C12orf43: variants seen among roughly 807,000 people sequenced by gnomAD.
The protein encoded by C12orf43 is chromosome 12 open reading frame 43.
A neutral mutation model predicts 20.6 loss-of-function variants in C12orf43; 15 were observed. The observed-to-expected ratio is 0.73, with a 90% CI of 0.49 to 1.12. The LOEUF (loss-of-function observed/expected upper bound fraction) is 1.12. C12orf43 is among the 50% of genes most tolerant of loss of function. C12orf43 has a pLI of 0.00. For synonymous variants in C12orf43, 144 were observed against 130.8 expected (o/e 1.10, Z -0.69); for missense variants, 334 against 344.4 (o/e 0.97, Z 0.24).
rs1878020146 is a variant in C12orf43, at chr12:121,006,340, T to C, written c.342A>G (p.Lys114=). 1.2e-6 allele frequency: 2 copies of C among 1,614,104 alleles called. No individual in the cohort carries two copies. The highest frequency in any genetic ancestry group is 1.3e-5 in the African/African-American group (1 of 75,056). ...ACTCACCATCATCCTCCAAAGCGAC[T>C]TTCTGTACCTTAGCTTTTGCTGGCT... ...AKEPAKAKVQ[K]VALEDDGFRL... is the part of the protein sequence containing the mutation. Residue 114 remains lysine (K), a synonymous_variant, in exon 4 of 6, where the codon AAA becomes AAG. Coordinates refer to ENST00000288757, the MANE Select transcript of C12orf43 (RefSeq NM_022895.3).
chr12:121,001,087 G>A lies in C12orf43; in HGVS notation c.*3066C>T, dbSNP rs752983850. On this transcript the variant is annotated 3_prime_UTR_variant, in exon 6 of 6. Coordinates refer to ENST00000288757, the MANE Select transcript of C12orf43 (RefSeq NM_022895.3). The stretch of plus-strand genomic sequence containing the variant: ...CAGTGTCCTCCAGCAGCCTGGTGCT[G>A]TACCAGAGCTCAGACTCCAGCAATG... 4.3e-6 allele frequency: 7 copies of A among 1,613,576 alleles called. No individual in the cohort carries two copies. The highest frequency in any genetic ancestry group is 5.9e-6 in the Non-Finnish European group (7 of 1,179,896).
chr12:121,015,395 C>A (rs1447308716), intron 1 of C12orf43, among the ~76,000 whole-genome samples: 2 of 152,222 alleles, frequency 1.3e-5, no homozygotes, highest in African/African-American at 4.8e-5. Flanking sequence ...CGGTTCTTAA[C>A]CTTGCTTTGC....
At chr12:121,013,378 C>T (rs1470856525) in intron 1 of C12orf43, among the ~76,000 whole-genome samples, 1 of 152,164 alleles carries the variant, frequency 6.6e-6, no homozygotes, top group African/African-American at 2.4e-5. Flanking sequence ...TGCCACCAAG[C>T]TGTGTGATGC....
rs3751151 is a variant in C12orf43 at position 121,004,396 on chromosome 12, T to A, written c.546A>T (p.Thr182=). The A allele has an allele frequency of 0.3, 491,448 of 1,613,802 alleles. 77,533 individuals are homozygous for A. Among genetic ancestry groups the A allele is most frequent in the Non-Finnish European group, 0.33 (384,374 of 1,179,932 alleles). ...LQESAIHSPG[T]VEKEAKKKRK... Reference sequence around the variant, plus strand: ...TTTTCTTCTTTGCCTCCTTCTCCACTGTTCCAGGGCTGTGGATGGCTGACT... The same window carrying A: ...TTTTCTTCTTTGCCTCCTTCTCCACAGTTCCAGGGCTGTGGATGGCTGACT... The change falls in exon 6 of 6, where the codon ACA becomes ACT. Residue 182 remains threonine (T), a synonymous_variant. Coordinates refer to ENST00000288757, the MANE Select transcript of C12orf43 (RefSeq NM_022895.3). This position sits in a 1 kb window ranked among gnomAD's most constrained non-coding sequence, Gnocchi z 5.6.
Position 121,001,877 on chromosome 12 carries a change from A to G in C12orf43, c.*2276T>C. 1 of 517,224 alleles carries G rather than the reference A, an allele frequency of 1.9e-6. No homozygotes were observed. The allele number at this position is 517,224 out of a possible 1,614,324, so 32.0% of individuals were successfully genotyped here. ...CCCATCCCCAGCGATTCCCTCTCCC[A>G]GGCCCCATGACCTCCAGCTTTCCTG... On this transcript the variant is annotated 3_prime_UTR_variant, in exon 6 of 6. Coordinates refer to ENST00000288757, the MANE Select transcript of C12orf43 (RefSeq NM_022895.3).
intron 3 of C12orf43, chr12:121,007,151 A>G (rs918887149): frequency 2.0e-5 from 3 of 152,188 alleles, no homozygotes; most frequent in Admixed American, 6.5e-5. Context: ...CAGCTTCTGG[A>G]GCAGGGCAGA....
At chr12:121,013,870 A>C (rs890726607) in intron 1 of C12orf43, among the ~76,000 whole-genome samples, 2 of 152,222 alleles carry the variant, frequency 1.3e-5, no homozygotes, top group African/African-American at 2.4e-5. Context: ...AACCTTGGCC[A>C]AGTTATTTTA....
At chr12:121,011,999 G>A (rs969820663) in intron 1 of C12orf43, among the ~76,000 whole-genome samples, 10 of 152,084 alleles carry the variant, frequency 6.6e-5, no homozygotes, top group Non-Finnish European at 7.4e-5. Flanking sequence ...ACACACATAC[G>A]TAAACAAAAT....
At position 121,004,407 on chromosome 12, in the gene C12orf43, T is replaced by G. The variant is rs1877810770; in HGVS notation, c.535A>C (p.Ser179Arg). The G allele has an allele frequency of 6.2e-7, 1 of 1,614,084 alleles. No individual in the cohort carries two copies. Among genetic ancestry groups the G allele is most frequent in the African/African-American group, 1.3e-5 (1 of 75,062 alleles). Residue 179 changes from serine (S) to arginine (R), a missense_variant, in exon 6 of 6, where the codon AGC becomes CGC. Coordinates refer to ENST00000288757, the MANE Select transcript of C12orf43 (RefSeq NM_022895.3). This position sits in a 1 kb window ranked among gnomAD's most constrained non-coding sequence, Gnocchi z 5.6. ...GCCTCCTTCTCCACTGTTCCAGGGC[T>G]GTGGATGGCTGACTCCTGTAGGATG... is the stretch of plus-strand genomic sequence containing the variant. ...SDILQESAIH[S>R]PGTVEKEAKK...
Position 121,002,431 on chromosome 12 carries a change from A to G in C12orf43, c.*1722T>C. The G allele has an allele frequency of 3.8e-6, 2 of 531,312 alleles. No homozygotes were observed. Among genetic ancestry groups the G allele is most frequent in the East Asian group, 4.0e-5 (1 of 25,208 alleles). The allele number at this position is 531,312 out of a possible 1,614,324, so 32.9% of individuals were successfully genotyped here. A position where few individuals can be genotyped will look rare whatever the true frequency, so the allele number is the denominator to read the frequency against. On this transcript the variant is annotated 3_prime_UTR_variant, in exon 6 of 6. Transcript: ENST00000288757. ...AGGAAAAGGCCTGGGGTGACCCGGCACCCCCTGCAGCTTGTAGCCAGCCGG... is the reference window on the plus strand; with the variant it reads ...AGGAAAAGGCCTGGGGTGACCCGGCGCCCCCTGCAGCTTGTAGCCAGCCGG...
At position 121,002,132 on chromosome 12, in the gene C12orf43, A is replaced by G. The variant is rs1468090344; in HGVS notation, c.*2021T>C. The G allele has an allele frequency of 5.7e-6, 3 of 525,294 alleles. No individual in the cohort carries two copies. Among genetic ancestry groups the G allele is most frequent in the Non-Finnish European group, 1.1e-5 (3 of 271,174 alleles). The allele number at this position is 525,294 out of a possible 1,614,324, so 32.5% of individuals were successfully genotyped here. ...CAAGGCAGCAAGGCCCGAGCAGCTG[A>G]GCAGGGCCGGGGAACTGGCCAAGCT... is the stretch of plus-strand genomic sequence containing the variant. On this transcript the variant is annotated 3_prime_UTR_variant, in exon 6 of 6. Transcript: ENST00000288757.
At position 121,004,269 on chromosome 12, in the gene C12orf43, C is replaced by T; in HGVS notation, c.673G>A (p.Glu225Lys). 1.2e-6 allele frequency: 2 copies of T among 1,614,214 alleles called. No individual in the cohort carries two copies. The highest frequency in any genetic ancestry group is 8.5e-7 in the Non-Finnish European group (1 of 1,180,038). ...AGCGACACCTGGTCCCCGTTGAGCT[C>T]ACCTGACTTCTGCTTCTGGACTGTG... ...MATVQKQKSG[E>K]LNGDQVSLGT... is the part of the protein sequence containing the mutation. The change falls in exon 6 of 6, where the codon GAG (glutamate) becomes AAG (lysine). Residue 225 changes from glutamate (E) to lysine (K), a missense_variant. Glu to Lys is a moderately conservative substitution (Grantham distance 56, BLOSUM62 1). Coordinates refer to ENST00000288757, the MANE Select transcript of C12orf43 (RefSeq NM_022895.3). This position sits in a 1 kb window ranked among gnomAD's most constrained non-coding sequence, Gnocchi z 5.6.
intron 3 of C12orf43, 54 bp downstream of exon 3, chr12:121,010,774 C>A: frequency 7.2e-7 from 1 of 1,391,348 alleles, no homozygotes; most frequent in Non-Finnish European, 9.7e-7. Flanking sequence ...CAATGTGAGC[C>A]ATTGCTGTTC....
At chr12:121,012,849 T>TAAAAAAAAAAAAAAAAAAAAAAAAAA (rs10636003) in intron 1 of C12orf43, among the ~76,000 whole-genome samples, 3 of 92,002 alleles carry the variant, frequency 3.3e-5, no homozygotes, top group African/African-American at 1.0e-4. Context: ...AGACTCCGTC[T>TAAAAAAAAAAAAAAAAAAAAAAAAAA]AAAAAAAAAA....
rs757921672 is a variant in C12orf43, at chr12:121,004,198, A to G, written c.744T>C (p.Ser248=). ...KKKAKKASET[S]PFPPAKSATA... ...TAGCACTCTTTGCTGGTGGGAATGG[A>G]GAGGTCTCGCTGGCCTTCTTTGCCT... is the stretch of plus-strand genomic sequence containing the variant. The change falls in exon 6 of 6, where the codon TCT becomes TCC. Residue 248 remains serine, a synonymous_variant. Coordinates refer to ENST00000288757, the MANE Select transcript of C12orf43 (RefSeq NM_022895.3). This position sits in a 1 kb window ranked among gnomAD's most constrained non-coding sequence, Gnocchi z 5.6. 1 of 1,614,154 alleles carries G rather than the reference A, an allele frequency of 6.2e-7. No homozygotes were observed. The highest frequency in any genetic ancestry group is 1.1e-5 in the South Asian group (1 of 91,078).
chr12:121,014,110 C>A (rs1868645023), intron 1 of C12orf43, among the ~76,000 whole-genome samples: 1 of 152,024 alleles, frequency 6.6e-6, no homozygotes, highest in African/African-American at 2.4e-5. Context: ...GGCGGATCAC[C>A]TGAGGTCATA....
rs1328552593 is a variant in C12orf43, at chr12:121,005,671, C to T, written c.362-578G>A. 5.9e-5 allele frequency among the ~76,000 whole-genome samples: 9 copies of T among 152,212 alleles called. No homozygotes were observed. The highest frequency in any genetic ancestry group is 2.2e-4 in the African/African-American group (9 of 41,456). The stretch of plus-strand genomic sequence containing the variant: ...CTGTGGAGGGCAGCAGTAAAGTGCT[C>T]CTGCTCAGGGTGACACAGACGAGGC... On this transcript the variant is annotated intron_variant, in intron 4 of 5. Transcript: ENST00000288757. This position sits in a 1 kb window ranked among gnomAD's most constrained non-coding sequence, Gnocchi z 5.6.
chr12:121,012,579 G>A (rs1306476896), intron 1 of C12orf43: 3 of 676,750 alleles, frequency 4.4e-6, no homozygotes, highest in Admixed American at 2.0e-5. Context: ...AAGGCCGGGC[G>A]CGGTGGCTCA....
rs370190806 is a variant in C12orf43 at position 121,000,944 on chromosome 12, T to C, written c.*3209A>G. 1.5e-6 allele frequency: 2 copies of C among 1,379,170 alleles called. No homozygotes were observed. Among genetic ancestry groups the C allele is most frequent in the Admixed American group, 3.5e-5 (2 of 57,940 alleles). 85.4% of individuals were successfully genotyped at this position (1,379,170 alleles called of 1,614,324 possible). A position where few individuals can be genotyped will look rare whatever the true frequency, so the allele number is the denominator to read the frequency against. On this transcript the variant is annotated 3_prime_UTR_variant, in exon 6 of 6. Transcript: ENST00000288757. ...TAGAGGTGTGACTTTGGGGTTCCTG[T>C]TATCTGCTGTGATCCAGGAGGTGTG...
Sources: gnomAD v4.1 joint callset for allele counts (sites outside exome capture counted in the v4.1 genomes callset) on GRCh38, gnomAD v4.1.1 for gene constraint, Gnocchi (gnomAD v3.1) non-coding constraint, MANE v1.5 for transcripts, NCBI Gene and HGNC (gene_info 2026-07-23, HGNC 2026-07-21) for gene names.